Variants in ATP9A observed in about 807,000 individuals in gnomAD.
ATP9A encodes the protein probable phospholipid-transporting ATPase IIA.
In ATP9A, 52 loss-of-function variants were observed where a neutral mutation model predicts 144.1. The ratio of observed to expected loss-of-function variants is 0.36; its 90% CI spans 0.29 to 0.45. ATP9A has a LOEUF of 0.45. ATP9A is among the 20% of genes least tolerant of loss of function. ATP9A has a pLI of 1.00. For synonymous variants in ATP9A, 582 were observed against 557.4 expected, an observed-to-expected ratio of 1.04 and a Z score of -0.62; for missense variants, 947 against 1,392.7, an observed-to-expected ratio of 0.68 and a Z score of 5.09.
chr20:51,638,069 TTTTA>T lies in ATP9A; in HGVS notation c.1668+1270_1668+1273del, dbSNP rs753140190. Among the ~76,000 whole-genome samples, 383 of 73,088 alleles carry T rather than the reference TTTTA, an allele frequency of 5.2e-3. 35 individuals carry two copies. Among genetic ancestry groups the T allele is most frequent in the Non-Finnish European group, 7.4e-3 (275 of 37,094 alleles). The allele number at this position is 73,088 out of a possible 152,430, so 47.9% of individuals were successfully genotyped here. ...TCCATGGCTAAGTAGCATTTCATCATTTTATATATATATATATATATATATATAT... is the reference window on the plus strand; with the variant it reads ...TCCATGGCTAAGTAGCATTTCATCATTATATATATATATATATATATATAT... On this transcript the variant is annotated intron_variant, in intron 15 of 27. Transcript: ENST00000338821.
chr20:51,677,261 G>C lies in ATP9A; in HGVS notation c.800-1053C>G, dbSNP rs1463818969. Among the ~76,000 whole-genome samples the C allele has an allele frequency of 3.3e-5, 5 of 152,062 alleles. No individual in the cohort carries two copies. In the East Asian group the frequency reaches 9.6e-4, roughly 29 times the overall value. ...ACAGCCACACTATGAGAACATCAAA[G>C]GTTTTACATTAGGGCCAAACCAATG... is the stretch of plus-strand genomic sequence containing the variant. On this transcript the variant is annotated intron_variant, in intron 9 of 27. Coordinates refer to ENST00000338821, the MANE Select transcript of ATP9A (RefSeq NM_006045.3).
At chr20:51,657,849 A>T (rs1488035782) in intron 13 of ATP9A, among the ~76,000 whole-genome samples, 2 of 152,166 alleles carry the variant, frequency 1.3e-5, no homozygotes, top group Non-Finnish European at 2.9e-5. Flanking sequence ...CTGGCTCCCC[A>T]CTGAAGCTAG....
At chr20:51,668,188 A>C (rs73913033) in intron 13 of ATP9A, among the ~76,000 whole-genome samples, 24 of 122,970 alleles carry the variant, frequency 2.0e-4, no homozygotes, top group East Asian at 2.7e-4. Context: ...AAAAAAAAAA[A>C]AAAGGCCGAA....
At chr20:51,700,884 C>T (rs906016746) in intron 4 of ATP9A, among the ~76,000 whole-genome samples, 11 of 152,112 alleles carry the variant, frequency 7.2e-5, no homozygotes, top group Non-Finnish European at 1.2e-4. Flanking sequence ...GGTAAAGAGA[C>T]GGTCTAATTG....
intron 15 of ATP9A, among the ~76,000 whole-genome samples, chr20:51,638,176 A>G (rs867525692): frequency 8.1e-5 from 11 of 136,256 alleles, no homozygotes; most frequent in South Asian, 4.5e-4. Context: ...GGCTGGTTCC[A>G]TATCTTTGCA....
At chr20:51,631,823 A>G (rs2077271198) in intron 15 of ATP9A, among the ~76,000 whole-genome samples, 1 of 152,194 alleles carries the variant, frequency 6.6e-6, no homozygotes. Context: ...CACAAAAACA[A>G]AACAGGGACA....
intron 11 of ATP9A, 140 bp downstream of exon 11, chr20:51,674,013 G>C (rs1367595125): frequency 9.5e-7 from 1 of 1,048,062 alleles, no homozygotes; most frequent in African/African-American, 1.6e-5. Context: ...TCGCGCCACT[G>C]CCCTCCAGCC....
chr20:51,743,959 A>C (rs2077796478), intron 1 of ATP9A, among the ~76,000 whole-genome samples: 1 of 151,146 alleles, frequency 6.6e-6, no homozygotes. Flanking sequence ...GTAAGCCGAG[A>C]TTCTGGCACT....
chr20:51,638,081 A>ATC (rs2077301667), intron 15 of ATP9A, among the ~76,000 whole-genome samples: 1 of 24,106 alleles, frequency 4.1e-5, no homozygotes, highest in Non-Finnish European at 7.5e-5. Flanking sequence ...TTATATATAT[A>ATC]TATATATATA....
In ATP9A at chr20:51,623,506, C is replaced by T. The variant is rs1388492725; in HGVS notation, c.2017-1334G>A. ...TTAGAAAATATCCTGTGCAGCCAGG[C>T]GCGGTGGCTTACGCCTATAATCCCA... On this transcript the variant is annotated intron_variant, in intron 18 of 27. Coordinates refer to ENST00000338821, the MANE Select transcript of ATP9A (RefSeq NM_006045.3). Among the ~76,000 whole-genome samples, 4 of 152,126 alleles carry T rather than the reference C, an allele frequency of 2.6e-5. No homozygotes were observed. The South Asian group carries it at 6.2e-4, about 24-fold the overall frequency.
At chr20:51,663,717 C>T (rs539229232) in intron 13 of ATP9A, among the ~76,000 whole-genome samples, 178 of 149,768 alleles carry the variant, frequency 1.2e-3, no homozygotes, top group Non-Finnish European at 1.8e-3. Context: ...TGGCGTGAAC[C>T]CGGGAGGTGG....
At chr20:51,720,579 T>C (rs530970622) in intron 3 of ATP9A, among the ~76,000 whole-genome samples, 1 of 152,284 alleles carries the variant, frequency 6.6e-6, no homozygotes, top group African/African-American at 2.4e-5. Context: ...CTCACACCTG[T>C]CATCCCAGCT....
chr20:51,694,276 G>C (rs1241223283), intron 6 of ATP9A, among the ~76,000 whole-genome samples, 174 bp from the exon 7 acceptor site: 2 of 152,122 alleles, frequency 1.3e-5, no homozygotes, highest in Non-Finnish European at 2.9e-5. Context: ...GGGTCAAAAA[G>C]CTCAGAGTTC....
intron 13 of ATP9A, among the ~76,000 whole-genome samples, chr20:51,665,248 G>A (rs1432753907): frequency 6.8e-6 from 1 of 148,032 alleles, no homozygotes; most frequent in Non-Finnish European, 1.5e-5. Context: ...GGATAGAGCA[G>A]GGGGGTTTGG....
chr20:51,760,543 A>G (rs893285498), intron 1 of ATP9A, among the ~76,000 whole-genome samples: 4 of 151,882 alleles, frequency 2.6e-5, no homozygotes, highest in Non-Finnish European at 4.4e-5. Flanking sequence ...CCTGGCCAAC[A>G]TGGCGAAACC....
intron 7 of ATP9A, among the ~76,000 whole-genome samples, chr20:51,692,994 CGTGAGCACAGGGGAA>C (rs1568823478): frequency 6.6e-6 from 1 of 152,168 alleles, no homozygotes; most frequent in Non-Finnish European, 1.5e-5. Flanking sequence ...ATCCATGTGA[CGTGAGCACAGGGGAA>C]GCTTCTGTGT....
intron 1 of ATP9A, among the ~76,000 whole-genome samples, chr20:51,755,010 C>T (rs1394062770): frequency 6.6e-6 from 1 of 151,378 alleles, no homozygotes; most frequent in East Asian, 2.0e-4. Context: ...CCCAACTACT[C>T]AGGAGGCTGA....
Position 51,613,591 on chromosome 20 carries a change from T to C in ATP9A, c.2571+86A>G, listed in dbSNP as rs148968814. On this transcript the variant is annotated intron_variant, in intron 23 of 27. Coordinates refer to ENST00000338821, the MANE Select transcript of ATP9A (RefSeq NM_006045.3). ...TTTCCATGATAATTACATAGCCACA[T>C]GTACATGTGCAGAGGGAGCAGCTGC... The C allele has an allele frequency of 6.6e-5, 89 of 1,345,858 alleles. No homozygotes were observed. The African/African-American group carries it at 1.2e-3, about 18-fold the overall frequency. 83.4% of individuals were successfully genotyped at this position (1,345,858 alleles called of 1,614,324 possible).
chr20:51,767,982 G>A (rs1015942053), intron 1 of ATP9A, among the ~76,000 whole-genome samples: 2 of 152,208 alleles, frequency 1.3e-5, no homozygotes, highest in Non-Finnish European at 2.9e-5. Flanking sequence ...AAAACGGTGA[G>A]AAAGCACGGC....
Sources: gnomAD v4.1 joint callset for allele counts (sites outside exome capture counted in the v4.1 genomes callset) on GRCh38, gnomAD v4.1.1 for gene constraint, MANE v1.5 for transcripts, NCBI Gene and HGNC (gene_info 2026-07-23, HGNC 2026-07-21) for gene names.